Variants in SPMAP2 observed in about 807,000 individuals in gnomAD.
SPMAP2 encodes the protein sperm microtubule associated protein 2.
chr19:375,600 C>A, the SPMAP2 span: 1 of 1,449,194 alleles, frequency 6.9e-7, no homozygotes, highest in Non-Finnish European at 9.2e-7. Flanking sequence ...CTGCCCTCCC[C>A]CCACTGCCAG....
chr19:374,045 C>G, the SPMAP2 span: 8 of 1,604,380 alleles, frequency 5.0e-6, no homozygotes, highest in African/African-American at 1.3e-5. Flanking sequence ...CCCACTGCCT[C>G]TTGCCCTGGG....
At chr19:364,197 C>T in the SPMAP2 span, among the ~76,000 whole-genome samples, 17,281 of 149,768 alleles carry the variant, frequency 0.12, 1,370 homozygotes, top group Non-Finnish European at 0.18. Context: ...ATTAGCCGGG[C>T]GTGGTGGCGG....
chr19:375,450 C>G, the SPMAP2 span, among the ~76,000 whole-genome samples: 2 of 152,232 alleles, frequency 1.3e-5, no homozygotes, highest in African/African-American at 2.4e-5. Context: ...CTGCTGGTGT[C>G]TGCCTCAGGG....
chr19:375,170 A>G, the SPMAP2 span, among the ~76,000 whole-genome samples: 1 of 152,174 alleles, frequency 6.6e-6, no homozygotes, highest in African/African-American at 2.4e-5. Flanking sequence ...CAACTGCCCA[A>G]AATCAGCGCC....
At chr19:367,005 G>C in the SPMAP2 span, 1 of 1,571,052 alleles carries the variant, frequency 6.4e-7, no homozygotes, top group South Asian at 1.2e-5. Context: ...AGAGGTATAA[G>C]GTGTCCCTTG....
At chr19:373,439 A>C in the SPMAP2 span, 1 of 1,610,530 alleles carries the variant, frequency 6.2e-7, no homozygotes, top group Non-Finnish European at 8.5e-7. Context: ...AGCCGGGGGC[A>C]GGGGTCTCAG....
the SPMAP2 span, among the ~76,000 whole-genome samples, chr19:366,412 A>G: frequency 0.61 from 92,590 of 151,976 alleles, 28,799 homozygotes; most frequent in African/African-American, 0.7. Context: ...TGGCGAGCAC[A>G]AGTGTGTGCA....
the SPMAP2 span, among the ~76,000 whole-genome samples, chr19:370,551 C>T: frequency 6.6e-6 from 1 of 151,598 alleles, no homozygotes. Context: ...AGGGTTTCAC[C>T]ATGTTAGCCA....
the SPMAP2 span, among the ~76,000 whole-genome samples, chr19:374,935 T>C: frequency 3.3e-5 from 5 of 152,128 alleles, no homozygotes; most frequent in Admixed American, 3.3e-4. Context: ...GCTCCCACGT[T>C]CTCCCCAGAA....
chr19:368,033 C>T, the SPMAP2 span, among the ~76,000 whole-genome samples: 387 of 152,184 alleles, frequency 2.5e-3, 1 homozygote, highest in African/African-American at 8.0e-3. The surrounding 1 kb of genome is among the most constrained non-coding windows in gnomAD (Gnocchi z 4.1). Flanking sequence ...ACCTTGCGGA[C>T]GTTTCACCCA....
At chr19:374,439 G>A in the SPMAP2 span, 636 of 1,613,920 alleles carry the variant, frequency 3.9e-4, 4 homozygotes, top group African/African-American at 6.5e-3. Context: ...AGAATTCCAC[G>A]TTGAAGTTGG....
the SPMAP2 span, chr19:374,182 G>C: frequency 6.5e-7 from 1 of 1,530,504 alleles, no homozygotes; most frequent in South Asian, 1.2e-5. Context: ...AAGTTTGCTG[G>C]ATGTGGTGGC....
the SPMAP2 span, chr19:372,501 C>G: frequency 2.3e-6 from 2 of 888,754 alleles, no homozygotes; most frequent in East Asian, 2.6e-5. Flanking sequence ...AGCAGGCCAG[C>G]CCCGTCTGAA....
At chr19:368,052 G>T in the SPMAP2 span, among the ~76,000 whole-genome samples, 1 of 152,056 alleles carries the variant, frequency 6.6e-6, no homozygotes, top group Non-Finnish European at 1.5e-5. The surrounding 1 kb of genome is among the most constrained non-coding windows in gnomAD (Gnocchi z 4.1). Flanking sequence ...CAGAAACTTG[G>T]CACCCTTGCT....
the SPMAP2 span, chr19:367,188 G>A: frequency 6.2e-7 from 1 of 1,607,088 alleles, no homozygotes; most frequent in Non-Finnish European, 8.5e-7. Context: ...CGCGAGCTGG[G>A]GACTGCCATT....
At chr19:372,551 A>G in the SPMAP2 span, 1,434,375 of 1,461,646 alleles carry the variant, frequency 0.98, 704,455 homozygotes, top group Middle Eastern at 0.99. Flanking sequence ...CCTTTCCCAC[A>G]CAGCATCCTG....
the SPMAP2 span, chr19:361,932 C>G: frequency 3.6e-6 from 1 of 275,090 alleles, no homozygotes; most frequent in Non-Finnish European, 6.8e-6. Context: ...GGCTGTCGTT[C>G]CGACTCCGAC....
At chr19:362,168 G>T in the SPMAP2 span, 1 of 1,436,588 alleles carries the variant, frequency 7.0e-7, no homozygotes, top group Non-Finnish European at 9.2e-7. Flanking sequence ...CAGGGTTAGG[G>T]TGCCTGAGGG....
chr19:373,917 G>T, the SPMAP2 span: 1 of 1,609,952 alleles, frequency 6.2e-7, no homozygotes, highest in Admixed American at 1.7e-5. Context: ...ATAGGCACAC[G>T]GCGGAGACAG....
Sources: allele counts gnomAD v4.1 joint callset (sites outside exome capture counted in the v4.1 genomes callset), GRCh38; gene constraint gnomAD v4.1.1; non-coding constraint Gnocchi (gnomAD v3.1); transcripts MANE v1.5; gene names NCBI Gene and HGNC (gene_info 2026-07-23, HGNC 2026-07-21).